Variants in CEMIP2 observed in about 807,000 individuals in gnomAD.
CEMIP2 encodes cell surface hyaluronidase CEMIP2.
Under a neutral mutation model 146.9 loss-of-function variants are expected in CEMIP2, and 79 were observed. The ratio of observed to expected loss-of-function variants is 0.54; its 90% confidence interval spans 0.45 to 0.65. CEMIP2 has a LOEUF of 0.65. CEMIP2 is among the 30% of genes least tolerant of loss of function. The probability of loss-of-function intolerance (pLI) is 0.00; values close to 1 mark genes in which losing one functional copy is unlikely to be tolerated. For synonymous variants in CEMIP2, 601 were observed against 606.3 expected (o/e 0.99, Z 0.13); for missense variants, 1,596 against 1,696.2 (o/e 0.94, Z 1.04).
At chr9:71,728,287 A>ATATATATACG (rs1554684748) in intron 10 of CEMIP2, among the ~76,000 whole-genome samples, 1 of 21,674 alleles carries the variant, frequency 4.6e-5, no homozygotes, top group Non-Finnish European at 9.4e-5. Flanking sequence ...ATATGTATAT[A>ATATATATACG]TATATATATA....
intron 5 of CEMIP2, among the ~76,000 whole-genome samples, chr9:71,736,294 T>C (rs146795005): frequency 1.3e-5 from 2 of 152,292 alleles, no homozygotes; most frequent in East Asian, 3.9e-4. Context: ...ATTCTCTCGG[T>C]ATACTGCCTG....
intron 19 of CEMIP2, chr9:71,699,462 A>AAAAAGAAAG (rs547056149): frequency 7.1e-5 from 30 of 420,412 alleles, no homozygotes; most frequent in South Asian, 3.0e-4. Context: ...TAAAAAAAAA[A>AAAAAGAAAG]AAAGAAAGAA....
intron 3 of CEMIP2, 101 bp from the exon 4 acceptor site, chr9:71,745,680 C>G (rs762820507): frequency 2.3e-4 from 270 of 1,192,304 alleles, no homozygotes; most frequent in Non-Finnish European, 5.3e-5. Context: ...GCAATTAGGT[C>G]GGAAAAAAGA....
At chr9:71,745,736 T>C (rs1824069445) in intron 3 of CEMIP2, among the ~76,000 whole-genome samples, 157 bp from the exon 4 acceptor site, 1 of 152,048 alleles carries the variant, frequency 6.6e-6, no homozygotes, top group Non-Finnish European at 1.5e-5. Context: ...AAATGAAGAG[T>C]TCATATCTTA....
intron 18 of CEMIP2, 40 bp from the exon 19 acceptor site, chr9:71,700,864 G>A: frequency 6.4e-7 from 1 of 1,559,588 alleles, no homozygotes; most frequent in East Asian, 2.2e-5. Context: ...TTACACTTCA[G>A]CCATTATCTG....
In CEMIP2 at chr9:71,690,222, G is replaced by A. The variant is rs1225263704; in HGVS notation, c.3721C>T (p.Arg1241Ter). Residue 1241 changes from arginine to a stop codon, truncating the protein, a stop_gained, in exon 22 of 24, where the codon CGA becomes TGA. Coordinates refer to ENST00000377044, the MANE Select transcript of CEMIP2 (RefSeq NM_013390.3). LOFTEE classifies it high-confidence loss of function. ...ISVNGTDFTF[R>*]SAGVLLLVVD... ...ACAAGGAGGAGGACGCCTGCACTTC[G>A]GAAGGTAAAGTCAGTGCCATTGACC... The A allele has an allele frequency of 1.2e-5, 19 of 1,614,056 alleles. No individual in the cohort carries two copies. The highest frequency in any genetic ancestry group is 2.2e-5 in the East Asian group (1 of 44,870).
At chr9:71,727,993 G>A (rs529985973) in intron 10 of CEMIP2, among the ~76,000 whole-genome samples, 3 of 151,320 alleles carry the variant, frequency 2.0e-5, no homozygotes, top group Non-Finnish European at 3.0e-5. Context: ...CCCAGGAGGC[G>A]GAGGTTGCAG....
intron 10 of CEMIP2, among the ~76,000 whole-genome samples, chr9:71,727,654 A>G (rs988029250): frequency 6.6e-6 from 1 of 152,212 alleles, no homozygotes; most frequent in Non-Finnish European, 1.5e-5. Context: ...CCTTTTAAAA[A>G]CTTTAAATAG....
chr9:71,694,507 A>G lies in CEMIP2; in HGVS notation c.3696+2T>C. ...ACTAAGACAACACCAGATGGTACTT[A>G]CAGAAATAACAGACGGGTCTCCACG... On this transcript the variant is annotated splice_donor_variant, in intron 21 of 23. Coordinates refer to ENST00000377044, the MANE Select transcript of CEMIP2 (RefSeq NM_013390.3). LOFTEE classifies it high-confidence loss of function. 1 of 1,609,946 alleles carries G rather than the reference A, an allele frequency of 6.2e-7. No individual in the cohort carries two copies.
chr9:71,765,774 C>A (rs779647213), intron 1 of CEMIP2, among the ~76,000 whole-genome samples: 2 of 152,162 alleles, frequency 1.3e-5, no homozygotes, highest in African/African-American at 4.8e-5. Flanking sequence ...TGTCATCTCT[C>A]TAGTTGCAAG....
intron 11 of CEMIP2, among the ~76,000 whole-genome samples, chr9:71,723,121 C>A: frequency 8.9e-6 from 1 of 112,642 alleles, no homozygotes. Flanking sequence ...TGGCAGAGAG[C>A]ATGGAACAGC....
At chr9:71,749,405 TA>T (rs1029512478) in intron 2 of CEMIP2, among the ~76,000 whole-genome samples, 126 of 142,406 alleles carry the variant, frequency 8.8e-4, no homozygotes, top group Middle Eastern at 3.7e-3. Context: ...TACGTATGAC[TA>T]AAAAAAAAAA....
At chr9:71,741,636 T>TG (rs2131996788) in intron 4 of CEMIP2, among the ~76,000 whole-genome samples, 1 of 127,802 alleles carries the variant, frequency 7.8e-6, no homozygotes, top group East Asian at 2.2e-4. Flanking sequence ...TTCTGGTTTT[T>TG]TTTTTTTTTT....
intron 6 of CEMIP2, among the ~76,000 whole-genome samples, 166 bp from the exon 7 acceptor site, chr9:71,732,686 A>ATTTTTTTTTTTTTTTTT (rs59985618): frequency 5.3e-5 from 4 of 75,878 alleles, no homozygotes; most frequent in African/African-American, 2.5e-4. Flanking sequence ...GACACGGGGA[A>ATTTTTTTTTTTTTTTTT]TTTTTTTTTT....
chr9:71,716,435 A>C (rs1347977407), intron 14 of CEMIP2, 82 bp downstream of exon 14: 1 of 1,150,050 alleles, frequency 8.7e-7, no homozygotes, highest in Non-Finnish European at 1.2e-6. Flanking sequence ...ATAATAAAAC[A>C]TTCCTGTGTA....
intron 3 of CEMIP2, 101 bp from the exon 4 acceptor site, chr9:71,745,680 C>T (rs762820507): frequency 1.8e-5 from 22 of 1,192,310 alleles, no homozygotes; most frequent in Admixed American, 2.6e-5. Context: ...GCAATTAGGT[C>T]GGAAAAAAGA....
Position 71,704,764 on chromosome 9 carries a change from T to A in CEMIP2, c.3025A>T (p.Thr1009Ser), listed in dbSNP as rs763129325. ...QTWSTQNLSM[T>S]ITRDEYPSNP... Reference sequence around the variant, plus strand: ...GACGGATACTCATCTCGTGTAATGGTCATAGAAAGATTCTGAGTGCTCCAT... The same window carrying A: ...GACGGATACTCATCTCGTGTAATGGACATAGAAAGATTCTGAGTGCTCCAT... Residue 1009 changes from threonine (T) to serine (S), a missense_variant, in exon 18 of 24, where the codon ACC becomes TCC. Coordinates refer to ENST00000377044, the MANE Select transcript of CEMIP2 (RefSeq NM_013390.3). 2 of 1,614,116 alleles carry A rather than the reference T, an allele frequency of 1.2e-6. No individual in the cohort carries two copies. The highest frequency in any genetic ancestry group is 1.3e-5 in the African/African-American group (1 of 75,004).
rs745839031 is a variant in CEMIP2, at chr9:71,745,496, C to T, written c.556G>A (p.Ala186Thr). The T allele has an allele frequency of 2.5e-6, 4 of 1,613,884 alleles. No homozygotes were observed. The East Asian group carries it at 6.7e-5, about 27-fold the overall frequency. Residue 186 changes from alanine (A) to threonine (T), a missense_variant, in exon 4 of 24, where the codon GCG (alanine) becomes ACG (threonine). Ala to Thr is a moderately conservative substitution (Grantham distance 58, BLOSUM62 0). Transcript: ENST00000377044. ...THYILIQDGG[A>T]LHIGAEKCRY... ...CATTTTTCTGCTCCAATATGAAGCG[C>T]CCCACCATCCTGGATCAGGATGTAA...
Position 71,730,049 on chromosome 9 carries a change from T to G in CEMIP2, c.1978A>C (p.Met660Leu). The change falls in exon 9 of 24, where the codon ATG (methionine) becomes CTG (leucine). Residue 660 changes from methionine (M) to leucine (L), a missense_variant and splice_region_variant. By Grantham distance (15) the Met-to-Leu change is conservative. Coordinates refer to ENST00000377044, the MANE Select transcript of CEMIP2 (RefSeq NM_013390.3). ...NYIPVPATDC[M>L]AVSTFWIAHP... ...TTTTTCTCTCCGCCAATTACTCACA[T>G]ACAGTCAGTAGCAGGCACAGGAATG... 5 of 1,614,090 alleles carry G rather than the reference T, an allele frequency of 3.1e-6. No individual in the cohort carries two copies. In the South Asian group the frequency reaches 4.4e-5, roughly 14 times the overall value.
Sources: allele counts gnomAD v4.1 joint callset (sites outside exome capture counted in the v4.1 genomes callset), GRCh38; gene constraint gnomAD v4.1.1; transcripts MANE v1.5; gene names NCBI Gene and HGNC (gene_info 2026-07-23, HGNC 2026-07-21).